Variants in DTD1 observed in about 807,000 individuals in gnomAD.
The protein encoded by DTD1 is D-tyrosyl-tRNA deacylase 1 homolog.
In DTD1, 13 loss-of-function variants were observed where a neutral mutation model predicts 25.6. That is an observed-to-expected ratio of 0.51 (90% CI 0.33 to 0.81). DTD1 has a LOEUF of 0.81. Ranked by LOEUF, DTD1 falls within the 30% of genes least tolerant of loss-of-function variation. DTD1 has a pLI of 0.02. For synonymous variants in DTD1, 110 were observed against 103.6 expected (o/e 1.06, Z -0.37); for missense variants, 193 against 266.4 (o/e 0.72, Z 1.92).
At chr20:18,615,875 T>C (rs2060707102) in intron 3 of DTD1, among the ~76,000 whole-genome samples, 1 of 152,236 alleles carries the variant, frequency 6.6e-6, no homozygotes, top group Non-Finnish European at 1.5e-5. Context: ...TCCCGCTTCA[T>C]AATGCAAAGA....
intron 3 of DTD1, among the ~76,000 whole-genome samples, chr20:18,615,543 A>G (rs187435296): frequency 3.9e-5 from 6 of 152,296 alleles, no homozygotes; most frequent in Admixed American, 3.9e-4. Context: ...AGTGTTAAGC[A>G]TGTATTGCTT....
At chr20:18,714,665 A>G (rs544161202) in intron 4 of DTD1, among the ~76,000 whole-genome samples, 132 of 152,312 alleles carry the variant, frequency 8.7e-4, no homozygotes, top group African/African-American at 3.0e-3. Context: ...AGTGGGACAC[A>G]GTGAAGCTGT....
intron 1 of DTD1, among the ~76,000 whole-genome samples, chr20:18,590,197 A>G (rs2060583555): frequency 6.6e-6 from 1 of 152,134 alleles, no homozygotes; most frequent in East Asian, 1.9e-4. Context: ...TTTGTTTTAG[A>G]GATGGGGTCT....
intron 4 of DTD1, among the ~76,000 whole-genome samples, chr20:18,685,101 C>T (rs2061011488): frequency 6.6e-6 from 1 of 152,158 alleles, no homozygotes; most frequent in Non-Finnish European, 1.5e-5. Flanking sequence ...CGGGGTCTCA[C>T]TGTATTGCCC....
chr20:18,716,458 C>T (rs2061181048), intron 4 of DTD1, among the ~76,000 whole-genome samples: 3 of 152,188 alleles, frequency 2.0e-5, no homozygotes, highest in Non-Finnish European at 4.4e-5. Context: ...AGGTGGCTGC[C>T]GGGTCTCACG....
At chr20:18,696,519 G>A (rs1032358991) in intron 4 of DTD1, among the ~76,000 whole-genome samples, 2 of 152,062 alleles carry the variant, frequency 1.3e-5, no homozygotes, top group African/African-American at 4.8e-5. Context: ...GTCTAGAAAA[G>A]GTCACTATGC....
intron 4 of DTD1, among the ~76,000 whole-genome samples, chr20:18,651,300 T>C (rs1315503838): frequency 6.6e-6 from 1 of 152,156 alleles, no homozygotes; most frequent in African/African-American, 2.4e-5. Flanking sequence ...TATAGGCATA[T>C]GCCACCACAC....
At chr20:18,593,955 G>A in intron 2 of DTD1, 134 bp downstream of exon 2, 1 of 694,288 alleles carries the variant, frequency 1.4e-6, no homozygotes, top group Admixed American at 2.1e-5. Flanking sequence ...ATGTAGTATG[G>A]TTATCTCCGT....
chr20:18,759,190 G>A (rs1010863490), intron 5 of DTD1, among the ~76,000 whole-genome samples: 3 of 152,070 alleles, frequency 2.0e-5, no homozygotes, highest in African/African-American at 4.8e-5. Context: ...CTCTTTATCC[G>A]ATTTGCCAGT....
chr20:18,643,325 G>T, intron 4 of DTD1: 1 of 277,014 alleles, frequency 3.6e-6, no homozygotes. Flanking sequence ...TAGGTAGTAC[G>T]ACACCGTCTG....
intron 4 of DTD1, among the ~76,000 whole-genome samples, chr20:18,648,497 G>A (rs566992540): frequency 6.6e-6 from 1 of 152,234 alleles, no homozygotes; most frequent in East Asian, 1.9e-4. Context: ...TCCATAGGCT[G>A]AATTAGAGCA....
chr20:18,658,599 T>C (rs2122367101), intron 4 of DTD1, among the ~76,000 whole-genome samples: 1 of 152,352 alleles, frequency 6.6e-6, no homozygotes, highest in South Asian at 2.1e-4. Flanking sequence ...TCAATGTCTG[T>C]TAATGGTTTG....
chr20:18,733,825 G>A (rs1007401085), intron 4 of DTD1, among the ~76,000 whole-genome samples: 62 of 152,092 alleles, frequency 4.1e-4, no homozygotes, highest in African/African-American at 1.4e-3. Flanking sequence ...TGAAAATTAG[G>A]TACCATGTGT....
chr20:18,632,018 AT>A, intron 4 of DTD1: 2 of 845,786 alleles, frequency 2.4e-6, no homozygotes, highest in Non-Finnish European at 2.8e-6. Context: ...CTGGGAGTAG[AT>A]TTAGGAATTC....
chr20:18,679,164 C>T (rs1418136747), intron 4 of DTD1, among the ~76,000 whole-genome samples: 1 of 152,174 alleles, frequency 6.6e-6, no homozygotes, highest in African/African-American at 2.4e-5. Flanking sequence ...GAAAGTGTTT[C>T]TTGATTTACA....
chr20:18,640,741 C>T (rs2060825036), intron 4 of DTD1, among the ~76,000 whole-genome samples: 1 of 151,860 alleles, frequency 6.6e-6, no homozygotes, highest in Non-Finnish European at 1.5e-5. Context: ...AGCAATTCTC[C>T]TGCCTCAGCC....
intron 2 of DTD1, among the ~76,000 whole-genome samples, chr20:18,595,423 T>C (rs1210255243): frequency 6.6e-6 from 1 of 152,092 alleles, no homozygotes; most frequent in Non-Finnish European, 1.5e-5. Context: ...CCCGCCACCA[T>C]GCCTGGCTAA....
intron 1 of DTD1, chr20:18,592,344 C>T (rs1004713942): frequency 4.6e-5 from 7 of 152,146 alleles, no homozygotes; most frequent in East Asian, 1.9e-4. Flanking sequence ...GGTATGATGG[C>T]GTGCATCCAT....
intron 4 of DTD1, among the ~76,000 whole-genome samples, chr20:18,705,309 G>A (rs191010696): frequency 6.4e-4 from 97 of 152,264 alleles, no homozygotes; most frequent in Middle Eastern, 3.4e-3. Context: ...TGGTTGATCT[G>A]AGTTCATCAC....
Sources: gnomAD v4.1 joint callset for allele counts (sites outside exome capture counted in the v4.1 genomes callset) on GRCh38, gnomAD v4.1.1 for gene constraint, MANE v1.5 for transcripts, NCBI Gene and HGNC (gene_info 2026-07-23, HGNC 2026-07-21) for gene names.